Variants in PDE8A observed in about 807,000 individuals in gnomAD.
The protein encoded by PDE8A is high affinity cAMP-specific and IBMX-insensitive 3',5'-cyclic phosphodiesterase 8A.
PDE8A carries 59 observed loss-of-function variants against 105.0 expected under a neutral mutation model. The observed-to-expected ratio is 0.56, with a 90% CI of 0.46 to 0.70. The LOEUF is 0.70. PDE8A is among the 30% of genes least tolerant of loss of function. The pLI is 0.00. For missense variants in PDE8A, 1,014 were observed against 1,045.9 expected, an observed-to-expected ratio of 0.97 and a Z score of 0.42; for synonymous variants, 355 against 371.9, an observed-to-expected ratio of 0.95 and a Z score of 0.52.
intron 1 of PDE8A, among the ~76,000 whole-genome samples, chr15:85,021,383 A>T (rs1291415202): frequency 6.6e-6 from 1 of 152,078 alleles, no homozygotes; most frequent in Non-Finnish European, 1.5e-5. Context: ...CTCTAAAGAC[A>T]AATTAAAAAT....
At chr15:85,071,921 G>A (rs919757153) in intron 3 of PDE8A, among the ~76,000 whole-genome samples, 2 of 152,196 alleles carry the variant, frequency 1.3e-5, no homozygotes, top group African/African-American at 4.8e-5. Flanking sequence ...CATATGCTTA[G>A]TGGACTCAGA....
At chr15:85,056,524 C>T (rs1596476925) in intron 1 of PDE8A, among the ~76,000 whole-genome samples, 1 of 152,114 alleles carries the variant, frequency 6.6e-6, no homozygotes, top group African/African-American at 2.4e-5. Context: ...ACTCATTTTT[C>T]TCTAAACTTC....
rs376372264 is a variant in PDE8A, at chr15:85,025,340, T to C, written c.187-39030T>C. 4.6e-5 allele frequency among the ~76,000 whole-genome samples: 7 copies of C among 152,104 alleles called. No individual in the cohort carries two copies. The East Asian group carries it at 9.6e-4, about 21-fold the overall frequency. ...GGTGCTTGAAGAGCTTCCCTTTCAT[T>C]TGGGAGGCTTCCTCAGTGCCCCCAT... is the stretch of plus-strand genomic sequence containing the variant. On this transcript the variant is annotated intron_variant, in intron 1 of 21. Transcript: ENST00000394553.
chr15:85,094,389 A>G (rs1015393684), intron 8 of PDE8A, among the ~76,000 whole-genome samples: 1 of 152,110 alleles, frequency 6.6e-6, no homozygotes, highest in Non-Finnish European at 1.5e-5. Context: ...TTCCTCCCAG[A>G]TTTACCAGAA....
intron 1 of PDE8A, among the ~76,000 whole-genome samples, chr15:85,009,518 A>G (rs139835667): frequency 1.3e-3 from 197 of 152,288 alleles, no homozygotes; most frequent in African/African-American, 4.5e-3. Flanking sequence ...AATTTGTGGA[A>G]AGAAGTACTC....
chr15:85,093,559 G>A (rs2081685693), intron 8 of PDE8A, among the ~76,000 whole-genome samples: 1 of 117,888 alleles, frequency 8.5e-6, no homozygotes, highest in Non-Finnish European at 1.7e-5. Flanking sequence ...GTTGGATATT[G>A]AAGTTTGACC....
chr15:84,989,472 A>G (rs2079852716), intron 1 of PDE8A, among the ~76,000 whole-genome samples: 1 of 152,200 alleles, frequency 6.6e-6, no homozygotes, highest in African/African-American at 2.4e-5. Context: ...GTGGCACATC[A>G]GCAGTTCCCA....
chr15:85,075,175 C>G (rs1235437661), intron 3 of PDE8A, among the ~76,000 whole-genome samples: 1 of 152,202 alleles, frequency 6.6e-6, no homozygotes, highest in Non-Finnish European at 1.5e-5. Flanking sequence ...CCCATGGCCT[C>G]TAAAGCTGCT....
Position 85,097,965 on chromosome 15 carries a change from C to T in PDE8A, c.870C>T (p.Tyr290=), listed in dbSNP as rs1352491980. 3.2e-6 allele frequency: 5 copies of T among 1,583,888 alleles called. No individual in the cohort carries two copies. Among genetic ancestry groups the T allele is most frequent in the Non-Finnish European group, 4.3e-6 (5 of 1,152,670 alleles). Reference sequence around the variant, plus strand: ...ATTTATAGGAGTGGCAAGGAATTTACTATGCCAAAAAGAAAAACGGAGATA... The same window carrying T: ...ATTTATAGGAGTGGCAAGGAATTTATTATGCCAAAAAGAAAAACGGAGATA... ...IRIGKEWQGI[Y]YAKKKNGDNI... The change falls in exon 9 of 22, where the codon TAC becomes TAT. Residue 290 remains tyrosine, a synonymous_variant. Coordinates refer to ENST00000394553, the MANE Select transcript of PDE8A (RefSeq NM_002605.3).
chr15:84,989,105 C>T (rs1264331314), intron 1 of PDE8A, among the ~76,000 whole-genome samples: 2 of 152,228 alleles, frequency 1.3e-5, no homozygotes, highest in Non-Finnish European at 2.9e-5. Context: ...GTTCCTGAGT[C>T]CCCTCCTTCT....
At chr15:85,006,642 T>C (rs970377314) in intron 1 of PDE8A, among the ~76,000 whole-genome samples, 2 of 152,244 alleles carry the variant, frequency 1.3e-5, no homozygotes, top group Admixed American at 6.5e-5. Context: ...TTTTTCTTCT[T>C]GTGTAGATTT....
chr15:85,111,319 C>T (rs972324155), intron 12 of PDE8A, among the ~76,000 whole-genome samples: 1 of 151,956 alleles, frequency 6.6e-6, no homozygotes, highest in Admixed American at 6.6e-5. Context: ...AAATATTCTC[C>T]CTTGTTTTCT....
rs879206010 is a variant in PDE8A, at chr15:85,123,331, A to T, written c.2085+138A>T. On this transcript the variant is annotated intron_variant, in intron 19 of 21. Transcript: ENST00000394553. ...TTAGACTCTTACAGGGACAGAACTA[A>T]TGGGATACACACACACACACACACA... 67 of 518,098 alleles carry T rather than the reference A, an allele frequency of 1.3e-4. 1 individual carries two copies. Among genetic ancestry groups the T allele is most frequent in the South Asian group, 1.2e-3 (61 of 53,002 alleles). 32.1% of individuals were successfully genotyped at this position (518,098 alleles called of 1,614,324 possible).
At chr15:85,015,678 G>T (rs2080313153) in intron 1 of PDE8A, among the ~76,000 whole-genome samples, 1 of 152,098 alleles carries the variant, frequency 6.6e-6, no homozygotes, top group Non-Finnish European at 1.5e-5. Context: ...TTGAGATTGA[G>T]CATCTTTTCA....
Position 85,113,956 on chromosome 15 carries a change from A to T in PDE8A, c.1269A>T (p.Arg423Ser). ...TAGACCGTGTGCTGGAAATTCTAAG[A>T]ACCACTGAGTTATATTCACCACAGT... ...EALDRVLEIL[R>S]TTELYSPQFG... Residue 423 changes from arginine (R) to serine (S), a missense_variant, in exon 14 of 22, where the codon AGA becomes AGT. Physicochemically the swap from Arg to Ser is moderately radical, Grantham distance 110. Transcript: ENST00000394553. 6.2e-7 allele frequency: 1 copy of T among 1,613,486 alleles called. No homozygotes were observed. Among genetic ancestry groups the T allele is most frequent in the Non-Finnish European group, 8.5e-7 (1 of 1,179,350 alleles).
At chr15:85,057,039 C>T (rs1427668027) in intron 1 of PDE8A, among the ~76,000 whole-genome samples, 1 of 152,198 alleles carries the variant, frequency 6.6e-6, no homozygotes, top group Non-Finnish European at 1.5e-5. Context: ...TTCTAACAGT[C>T]AGGACCCTCA....
chr15:85,133,755 G>A (rs1399127429), intron 20 of PDE8A, among the ~76,000 whole-genome samples: 1 of 152,138 alleles, frequency 6.6e-6, no homozygotes, highest in Non-Finnish European at 1.5e-5. Context: ...ATTCAGTGGG[G>A]TTAGGTTTGC....
intron 1 of PDE8A, among the ~76,000 whole-genome samples, chr15:85,054,741 T>G (rs2081033070): frequency 6.6e-6 from 1 of 152,234 alleles, no homozygotes; most frequent in South Asian, 2.1e-4. Flanking sequence ...GTCGATTTTG[T>G]TGATCTTTTC....
chr15:85,127,723 G>C (rs1454413517), intron 20 of PDE8A, among the ~76,000 whole-genome samples: 1 of 152,200 alleles, frequency 6.6e-6, no homozygotes, highest in African/African-American at 2.4e-5. Flanking sequence ...GGAAGGCTCA[G>C]TGTTAACATT....
Sources: gnomAD v4.1 joint callset for allele counts (sites outside exome capture counted in the v4.1 genomes callset) on GRCh38, gnomAD v4.1.1 for gene constraint, MANE v1.5 for transcripts, NCBI Gene and HGNC (gene_info 2026-07-23, HGNC 2026-07-21) for gene names.